The following RBMS3 variants were observed in gnomAD, a reference collection of about 807,000 sequenced individuals.
The protein encoded by RBMS3 is RNA-binding motif, single-stranded-interacting protein 3.
RBMS3 carries 27 observed loss-of-function variants against 66.8 expected under a neutral mutation model. That is an observed-to-expected ratio of 0.40 (90% confidence interval 0.30 to 0.56). The LOEUF (loss-of-function observed/expected upper bound fraction) is 0.56, where lower values mean the gene tolerates loss of function less well. Ranked by LOEUF, RBMS3 falls within the 20% of genes least tolerant of loss-of-function variation. The pLI is 0.40. For missense variants in RBMS3, 513 were observed against 549.5 expected, an observed-to-expected ratio of 0.93 and a Z score of 0.66; for synonymous variants, 188 against 183.0, an observed-to-expected ratio of 1.03 and a Z score of -0.22.
chr3:29,965,598 G>T (rs1696783186), intron 12 of RBMS3, among the ~76,000 whole-genome samples: 1 of 151,976 alleles, frequency 6.6e-6, no homozygotes, highest in Admixed American at 6.6e-5. Context: ...TTACTGATTT[G>T]TCTGAGTTAA....
At chr3:29,592,351 A>G (rs1043860412) in intron 4 of RBMS3, among the ~76,000 whole-genome samples, 2 of 152,166 alleles carry the variant, frequency 1.3e-5, no homozygotes, top group Non-Finnish European at 2.9e-5. Flanking sequence ...GGTGAAGGAT[A>G]TGAACAGACA....
intron 4 of RBMS3, among the ~76,000 whole-genome samples, chr3:29,718,327 G>A (rs1304289226): frequency 6.6e-6 from 1 of 151,768 alleles, no homozygotes; most frequent in Non-Finnish European, 1.5e-5. Context: ...AAATGATACT[G>A]CTTTTTTTTC....
chr3:29,559,045 A>G (rs1401476642), intron 3 of RBMS3, among the ~76,000 whole-genome samples: 1 of 152,192 alleles, frequency 6.6e-6, no homozygotes, highest in African/African-American at 2.4e-5. Context: ...GAGACTTGAC[A>G]TATTAAGCTC....
intron 4 of RBMS3, among the ~76,000 whole-genome samples, chr3:29,672,377 A>G (rs1363732292): frequency 1.3e-5 from 2 of 152,218 alleles, no homozygotes; most frequent in Non-Finnish European, 2.9e-5. Context: ...AACTTCATCA[A>G]CTAACAAGCA....
intron 4 of RBMS3, among the ~76,000 whole-genome samples, chr3:29,667,783 A>T: frequency 6.6e-6 from 1 of 152,300 alleles, no homozygotes; most frequent in African/African-American, 2.4e-5. Flanking sequence ...CCATATTTAT[A>T]AATTTAAATT....
intron 3 of RBMS3, among the ~76,000 whole-genome samples, chr3:29,559,510 C>CAAAAAAAAAAAAAAAAAAAAAAAA (rs553520590): frequency 2.4e-5 from 1 of 41,336 alleles, no homozygotes; most frequent in East Asian, 4.8e-4. Flanking sequence ...GACTCTGTCT[C>CAAAAAAAAAAAAAAAAAAAAAAAA]AAAAAAAAAA....
At chr3:29,872,564 C>A (rs1487595765) in intron 7 of RBMS3, among the ~76,000 whole-genome samples, 1 of 152,140 alleles carries the variant, frequency 6.6e-6, no homozygotes, top group Non-Finnish European at 1.5e-5. Flanking sequence ...GAAGCTGAAG[C>A]CAAGGGCAAG....
At position 29,684,490 on chromosome 3, in the gene RBMS3, T is replaced by TA. The variant is rs570712762; in HGVS notation, c.400-55223dup. 5.9e-5 allele frequency among the ~76,000 whole-genome samples: 9 copies of TA among 152,250 alleles called. No individual in the cohort carries two copies. In the East Asian group the frequency reaches 1.3e-3, roughly 23 times the overall value. Reference sequence around the variant, plus strand: ...AATCAATTAAAACCAACTGTGGTGGTAAAAAAATAACCTCTAGTGGACTTA... The same window carrying TA: ...AATCAATTAAAACCAACTGTGGTGGTAAAAAAAATAACCTCTAGTGGACTTA... On this transcript the variant is annotated intron_variant, in intron 4 of 14. Transcript: ENST00000383767.
chr3:29,381,275 G>A (rs2038754026), intron 1 of RBMS3, among the ~76,000 whole-genome samples: 1 of 152,168 alleles, frequency 6.6e-6, no homozygotes, highest in Non-Finnish European at 1.5e-5. Flanking sequence ...GAGCCTGTAA[G>A]AGAAGCAAGG....
chr3:29,959,330 T>G (rs866022970), intron 12 of RBMS3, among the ~76,000 whole-genome samples: 1 of 152,206 alleles, frequency 6.6e-6, no homozygotes. Flanking sequence ...GTTCTCAAAC[T>G]GTGATCCCAG....
At chr3:29,385,595 G>A (rs537542222) in intron 1 of RBMS3, among the ~76,000 whole-genome samples, 1 of 151,958 alleles carries the variant, frequency 6.6e-6, no homozygotes, top group Non-Finnish European at 1.5e-5. Context: ...TATGAGTCTC[G>A]TGGGTCTTTG....
At chr3:29,861,512 T>C (rs563380446) in intron 6 of RBMS3, among the ~76,000 whole-genome samples, 53 of 152,340 alleles carry the variant, frequency 3.5e-4, no homozygotes, top group African/African-American at 1.2e-3. Context: ...TCAGCTTCTG[T>C]AAGGAAAGCA....
At chr3:29,435,905 C>T (rs1185705661) in intron 2 of RBMS3, among the ~76,000 whole-genome samples, 3 of 148,836 alleles carry the variant, frequency 2.0e-5, no homozygotes, top group Non-Finnish European at 4.4e-5. Context: ...AACCAGGAGG[C>T]GGAGTTTGCA....
intron 12 of RBMS3, among the ~76,000 whole-genome samples, chr3:29,976,766 A>C (rs937687566): frequency 1.3e-5 from 2 of 149,526 alleles, no homozygotes; most frequent in African/African-American, 5.1e-5. Context: ...AATGGTATCA[A>C]TTTGCCAAAC....
intron 6 of RBMS3, among the ~76,000 whole-genome samples, chr3:29,784,305 A>C (rs762400112): frequency 6.6e-6 from 1 of 152,150 alleles, no homozygotes; most frequent in Non-Finnish European, 1.5e-5. Context: ...GTCTCAATAC[A>C]TTTAAGAAAA....
At chr3:29,474,091 G>A (rs1010278866) in intron 2 of RBMS3, among the ~76,000 whole-genome samples, 31 of 152,256 alleles carry the variant, frequency 2.0e-4, no homozygotes, top group Admixed American at 1.3e-3. Flanking sequence ...ATGAACTACC[G>A]CGCCCAGCGC....
intron 3 of RBMS3, among the ~76,000 whole-genome samples, chr3:29,559,965 A>G (rs758626488): frequency 7.9e-5 from 12 of 152,304 alleles, no homozygotes; most frequent in Non-Finnish European, 1.5e-4. Flanking sequence ...CTTATTTTAC[A>G]TGGTCTTATG....
At chr3:29,770,716 C>A (rs1327522509) in intron 6 of RBMS3, among the ~76,000 whole-genome samples, 1 of 152,018 alleles carries the variant, frequency 6.6e-6, no homozygotes, top group Admixed American at 6.6e-5. Context: ...GCTTTGCCTT[C>A]TGTCAGCATC....
At chr3:29,286,473 A>G (rs960186661) in intron 1 of RBMS3, among the ~76,000 whole-genome samples, 4 of 152,134 alleles carry the variant, frequency 2.6e-5, no homozygotes, top group Non-Finnish European at 5.9e-5. Context: ...TTTCTCCAGA[A>G]TGGATTCAAA....
Sources: allele counts gnomAD v4.1 joint callset (sites outside exome capture counted in the v4.1 genomes callset), GRCh38; gene constraint gnomAD v4.1.1; transcripts MANE v1.5; gene names NCBI Gene and HGNC (gene_info 2026-07-23, HGNC 2026-07-21).